Variants in ASMTL observed in about 807,000 individuals in gnomAD.
The protein encoded by ASMTL is acetylserotonin O-methyltransferase like.
Under a neutral mutation model 60.3 loss-of-function variants are expected in ASMTL, and 57 were observed. The ratio of observed to expected loss-of-function variants is 0.95; its 90% CI spans 0.76 to 1.18. The LOEUF (loss-of-function observed/expected upper bound fraction) is 1.18. ASMTL is among the 50% of genes most tolerant of loss of function. The pLI, the probability that ASMTL is intolerant of heterozygous loss-of-function variation, is 0.00. For synonymous variants in ASMTL, 419 were observed against 373.0 expected (o/e 1.12, Z -1.42); for missense variants, 981 against 852.6 (o/e 1.15, Z -1.88).
At chrX:1,438,025 A>G (rs2091015882) in intron 3 of ASMTL, among the ~76,000 whole-genome samples, 1 of 151,684 alleles carries the variant, frequency 6.6e-6, no homozygotes, top group South Asian at 2.1e-4. Flanking sequence ...GCGGTGGCTC[A>G]CGCCTGTCAT....
At chrX:1,428,410 G>C (rs1444484664) in intron 6 of ASMTL, among the ~76,000 whole-genome samples, 1 of 151,692 alleles carries the variant, frequency 6.6e-6, no homozygotes, top group African/African-American at 2.4e-5. Context: ...GGGAGGCCGA[G>C]ACGGGTGGAT....
chrX:1,418,030 G>C lies in ASMTL; in HGVS notation c.1465C>G (p.Leu489Val). 6.2e-7 allele frequency: 1 copy of C among 1,613,656 alleles called. No homozygotes were observed. Among genetic ancestry groups the C allele is most frequent in the South Asian group, 1.1e-5 (1 of 91,020 alleles). ...CCGGGGGGTTGGAAGTGGGCGGCCA[G>C]CTCGATAATGTCTGGGAGGTCAAAC... ...TVFDLPDIIE[L>V]AAHFQPPGPQ... Residue 489 changes from leucine (L) to valine (V), a missense_variant, in exon 11 of 13, where the codon CTG becomes GTG. By Grantham distance (32) the Leu-to-Val change is conservative. Coordinates refer to ENST00000381317, the MANE Select transcript of ASMTL (RefSeq NM_004192.4).
chrX:1,430,177 G>C lies in ASMTL; in HGVS notation c.510-2056C>G, dbSNP rs1469240486. On this transcript the variant is annotated intron_variant, in intron 6 of 12. Coordinates refer to ENST00000381317, the MANE Select transcript of ASMTL (RefSeq NM_004192.4). ...TTACAGGCACCTGCCACCACACCGGGCTAATTTTTGTATTTTTAGTAGAGA... is the reference window on the plus strand; with the variant it reads ...TTACAGGCACCTGCCACCACACCGGCCTAATTTTTGTATTTTTAGTAGAGA... 2.6e-5 allele frequency among the ~76,000 whole-genome samples: 4 copies of C among 151,970 alleles called. No individual in the cohort carries two copies. The South Asian group carries it at 8.3e-4, about 32-fold the overall frequency.
rs376215324 is a variant in ASMTL at position 1,418,089 on chromosome X, A to G, written c.1406T>C (p.Leu469Pro). 1 of 1,611,442 alleles carries G rather than the reference A, an allele frequency of 6.2e-7. No homozygotes were observed. Among genetic ancestry groups the G allele is most frequent in the African/African-American group, 1.3e-5 (1 of 74,894 alleles). Residue 469 changes from leucine to proline, a missense_variant, in exon 11 of 13, where the codon CTG (leucine) becomes CCG (proline). Leu to Pro is a moderately conservative substitution (Grantham distance 98). Coordinates refer to ENST00000381317, the MANE Select transcript of ASMTL (RefSeq NM_004192.4). ...GGCTGALARE[L>P]AREYPRMQVT... ...CTGCATACGAGGGTACTCACGGGCC[A>G]GCTCTCGGGCCAGTGCACCCGTGCA...
upstream of ASMTL, chrX:1,453,040 C>T (rs2091435469): frequency 1.9e-6 from 1 of 525,374 alleles, no homozygotes; most frequent in Non-Finnish European, 3.1e-6. Flanking sequence ...CTCCATTGAA[C>T]ACTCCGTCAG....
chrX:1,439,069 A>G (rs1284043751), intron 3 of ASMTL, 28 bp downstream of exon 3: 1 of 1,612,894 alleles, frequency 6.2e-7, no homozygotes. Context: ...ATCGGACATT[A>G]GAAACGAGGC....
upstream of ASMTL, chrX:1,452,932 T>TCCCGCCTCCGCGAGGCCACGCCCACG: frequency 9.6e-7 from 1 of 1,044,272 alleles, no homozygotes; most frequent in South Asian, 1.7e-5. Flanking sequence ...GCGGCCAGAG[T>TCCCGCCTCCGCGAGGCCACGCCCACG]CCCGCCTCCG....
intron 8 of ASMTL, among the ~76,000 whole-genome samples, chrX:1,425,305 T>A (rs187897345): frequency 6.6e-6 from 1 of 152,216 alleles, no homozygotes; most frequent in Admixed American, 6.5e-5. Context: ...CTAGAGCCCA[T>A]AAGGAGGTCA....
At chrX:1,416,551 AGATACCCCAACAGG>A (rs2090277818) in intron 11 of ASMTL, among the ~76,000 whole-genome samples, 2 of 151,914 alleles carry the variant, frequency 1.3e-5, no homozygotes, top group Non-Finnish European at 2.9e-5. Context: ...GGACACACAG[AGATACCCCAACAGG>A]CACACAGACG....
At position 1,416,442 on chromosome X, in the gene ASMTL, T is replaced by C. The variant is rs370120835; in HGVS notation, c.1522+1531A>G. Among the ~76,000 whole-genome samples the C allele has an allele frequency of 3.5e-3, 261 of 74,878 alleles. 3 individuals are homozygous for C. Among genetic ancestry groups the C allele is most frequent in the African/African-American group, 0.015 (229 of 15,412 alleles). 49.1% of individuals were successfully genotyped at this position (74,878 alleles called of 152,430 possible). The stretch of plus-strand genomic sequence containing the variant: ...ACAGACAGGCACACGCACATAAACA[T>C]AGACATGCACAGATGGACACGCAGA... On this transcript the variant is annotated intron_variant, in intron 11 of 12. Transcript: ENST00000381317.
rs777106403 is a variant in ASMTL at position 1,435,662 on chromosome X, C to T, written c.338+32G>A. On this transcript the variant is annotated intron_variant, in intron 4 of 12. Coordinates refer to ENST00000381317, the MANE Select transcript of ASMTL (RefSeq NM_004192.4). ...CACAGCTACTCTGTGGCTCAGAACC[C>T]GAGAGGGCTCAGAGGCCAACATGGT... The T allele has an allele frequency of 2.2e-5, 36 of 1,611,410 alleles. No individual in the cohort carries two copies. In the Admixed American group the frequency reaches 5.5e-4, roughly 25 times the overall value.
chrX:1,417,014 C>T (rs2090307348), intron 11 of ASMTL, among the ~76,000 whole-genome samples: 1 of 58,326 alleles, frequency 1.7e-5, no homozygotes, highest in Non-Finnish European at 4.5e-5. Flanking sequence ...CACACAGACT[C>T]AGAAACACAC....
chrX:1,439,578 G>T (rs1182333778), intron 2 of ASMTL, among the ~76,000 whole-genome samples: 1 of 152,148 alleles, frequency 6.6e-6, no homozygotes, highest in African/African-American at 2.4e-5. Flanking sequence ...TGGGCGCGGT[G>T]GCTCACGCCT....
chrX:1,419,599 C>G (rs763106394), intron 9 of ASMTL, among the ~76,000 whole-genome samples: 2 of 152,026 alleles, frequency 1.3e-5, no homozygotes, highest in Non-Finnish European at 1.5e-5. Context: ...CAAGTCCCCC[C>G]AGTGGCACCT....
intron 12 of ASMTL, among the ~76,000 whole-genome samples, chrX:1,412,383 A>G (rs1176812079): frequency 1.3e-5 from 2 of 150,044 alleles, no homozygotes; most frequent in African/African-American, 4.9e-5. Context: ...GCGCACTACC[A>G]CACCTGGCTA....
rs1208270686 is a variant in ASMTL, at chrX:1,406,458, AGAT to A, written c.1646-2972_1646-2970del. On this transcript the variant is annotated intron_variant, in intron 12 of 12. Transcript: ENST00000381317. ...ATGGAGGGATGGGTGAATAGATGGTAGATGATGGGTACGTAGATAGATGAGTGG... is the reference window on the plus strand; with the variant it reads ...ATGGAGGGATGGGTGAATAGATGGTAGATGGGTACGTAGATAGATGAGTGG... Among the ~76,000 whole-genome samples, 3 of 147,664 alleles carry A rather than the reference AGAT, an allele frequency of 2.0e-5. No individual in the cohort carries two copies. In the East Asian group the frequency reaches 6.3e-4, roughly 31 times the overall value.
At chrX:1,419,570 A>G (rs1397256331) in intron 9 of ASMTL, among the ~76,000 whole-genome samples, 1 of 150,622 alleles carries the variant, frequency 6.6e-6, no homozygotes, top group African/African-American at 2.5e-5. Flanking sequence ...TGCAGAGGAG[A>G]AGCTCCTCCG....
chrX:1,430,819 A>ATT (rs748531618), intron 6 of ASMTL, among the ~76,000 whole-genome samples: 1 of 146,822 alleles, frequency 6.8e-6, no homozygotes, highest in African/African-American at 2.5e-5. Context: ...ATAAACATAT[A>ATT]TTTTATACAA....
In ASMTL at chrX:1,443,689, G is replaced by A. The variant is rs1157052864; in HGVS notation, c.94-1372C>T. Among the ~76,000 whole-genome samples, 179 of 118,204 alleles carry A rather than the reference G, an allele frequency of 1.5e-3. 1 individual carries two copies. Among genetic ancestry groups the A allele is most frequent in the East Asian group, 5.8e-3 (23 of 3,970 alleles). 77.5% of individuals were successfully genotyped at this position (118,204 alleles called of 152,430 possible). ...GCCATCATGGACACACACCGCCATC[G>A]TGGACACACACTGCCATCTTGGCCA... On this transcript the variant is annotated intron_variant, in intron 1 of 12. Transcript: ENST00000381317.
Sources: gnomAD v4.1 joint callset for allele counts (sites outside exome capture counted in the v4.1 genomes callset) on GRCh38, gnomAD v4.1.1 for gene constraint, MANE v1.5 for transcripts, NCBI Gene and HGNC (gene_info 2026-07-23, HGNC 2026-07-21) for gene names.